The following EYA2 variants were observed in gnomAD, a reference collection of about 807,000 sequenced individuals.
EYA2 encodes EYA transcriptional coactivator and phosphatase 2.
EYA2 carries 31 observed loss-of-function variants against 69.2 expected under a neutral mutation model. The observed-to-expected ratio is 0.45, with a 90% CI of 0.34 to 0.60. The LOEUF (loss-of-function observed/expected upper bound fraction) is 0.60, where lower values mean the gene tolerates loss of function less well. Ranked by LOEUF, EYA2 falls within the 20% of genes least tolerant of loss-of-function variation. The probability of loss-of-function intolerance (pLI) is 0.02; values close to 1 mark genes in which losing one functional copy is unlikely to be tolerated. For synonymous variants in EYA2, 257 were observed against 279.4 expected (o/e 0.92, Z 0.80); for missense variants, 622 against 701.2 (o/e 0.89, Z 1.28).
At chr20:47,019,475 CTT>C (rs113080751) in intron 5 of EYA2, among the ~76,000 whole-genome samples, 1 of 149,064 alleles carries the variant, frequency 6.7e-6, no homozygotes, top group Non-Finnish European at 1.5e-5. Context: ...TTCCTATTAA[CTT>C]TTTTTTTTTC....
intron 5 of EYA2, among the ~76,000 whole-genome samples, chr20:47,031,032 A>G (rs1416657200): frequency 6.6e-6 from 1 of 152,204 alleles, no homozygotes; most frequent in Non-Finnish European, 1.5e-5. Context: ...TTACAGCTTC[A>G]ACATAACGAA....
intron 9 of EYA2, among the ~76,000 whole-genome samples, chr20:47,120,001 A>C (rs2033002747): frequency 6.6e-6 from 1 of 152,158 alleles, no homozygotes; most frequent in Non-Finnish European, 1.5e-5. Flanking sequence ...TGAGGTCAGG[A>C]GTTGAGACCA....
intron 1 of EYA2, among the ~76,000 whole-genome samples, chr20:46,943,675 A>G (rs1305574386): frequency 6.6e-6 from 1 of 152,206 alleles, no homozygotes; most frequent in East Asian, 1.9e-4. Context: ...AGCACGACAT[A>G]TACCCAAACT....
In EYA2 at chr20:46,954,645, C is replaced by T. The variant is rs1022519442; in HGVS notation, c.-10-35356C>T. Among the ~76,000 whole-genome samples, 22 of 152,218 alleles carry T rather than the reference C, an allele frequency of 1.4e-4. 1 individual carries two copies. The highest frequency in any genetic ancestry group is 6.3e-3 in the Middle Eastern group (2 of 316). On this transcript the variant is annotated intron_variant, in intron 1 of 15. Transcript: ENST00000327619. Reference sequence around the variant, plus strand: ...ACAGCAGCAACAACATAAACAGATGCTCCTTCCTTTCAGCCGAGCAAGTGA... The same window carrying T: ...ACAGCAGCAACAACATAAACAGATGTTCCTTCCTTTCAGCCGAGCAAGTGA...
At chr20:47,142,987 A>G (rs750732274) in intron 9 of EYA2, 72 bp from the exon 10 acceptor site, 60 of 1,425,674 alleles carry the variant, frequency 4.2e-5, no homozygotes, top group Non-Finnish European at 5.7e-5. Context: ...CGGCAGTGGA[A>G]TGGGACCAAA....
At chr20:47,154,488 G>C (rs2033882161) in intron 10 of EYA2, among the ~76,000 whole-genome samples, 1 of 152,016 alleles carries the variant, frequency 6.6e-6, no homozygotes, top group South Asian at 2.1e-4. Context: ...AAGTCACATA[G>C]TTGGCAGTGG....
At chr20:47,020,024 A>G (rs1273056408) in intron 5 of EYA2, among the ~76,000 whole-genome samples, 3 of 150,038 alleles carry the variant, frequency 2.0e-5, no homozygotes, top group Non-Finnish European at 4.4e-5. Flanking sequence ...AGTTCCAGCT[A>G]CTCAGGAAGC....
intron 9 of EYA2, among the ~76,000 whole-genome samples, chr20:47,135,126 C>CAAAAAAA (rs11484435): frequency 9.2e-4 from 54 of 58,390 alleles, no homozygotes; most frequent in South Asian, 1.5e-3. Flanking sequence ...GACTCCATAT[C>CAAAAAAA]AAAAAAAAAA....
At chr20:47,043,345 G>A (rs1460659572) in intron 5 of EYA2, among the ~76,000 whole-genome samples, 10 of 152,188 alleles carry the variant, frequency 6.6e-5, no homozygotes. Flanking sequence ...TTAAAAGGGA[G>A]AGGCCAACAT....
chr20:47,172,885 T>A lies in EYA2; in HGVS notation c.1198+18T>A. ...CGTTGGTGGTGAGTACTGTGAGCCT[T>A]GGGCCTCCGAGGAAGGGAAACTCAT... On this transcript the variant is annotated intron_variant, in intron 12 of 15. Transcript: ENST00000327619. 6.3e-7 allele frequency: 1 copy of A among 1,593,764 alleles called. No homozygotes were observed. The highest frequency in any genetic ancestry group is 8.6e-7 in the Non-Finnish European group (1 of 1,167,714).
intron 9 of EYA2, among the ~76,000 whole-genome samples, chr20:47,134,279 A>G (rs552245835): frequency 6.6e-6 from 1 of 152,266 alleles, no homozygotes; most frequent in South Asian, 2.1e-4. Flanking sequence ...CAGAGCAAAA[A>G]AGCCATGACA....
chr20:47,082,986 A>G (rs1030778706), intron 7 of EYA2, among the ~76,000 whole-genome samples: 1 of 152,030 alleles, frequency 6.6e-6, no homozygotes, highest in African/African-American at 2.4e-5. Context: ...TTGAGGCCAG[A>G]AGTCTGAGAC....
At chr20:46,977,614 A>G (rs1037426450) in intron 1 of EYA2, among the ~76,000 whole-genome samples, 11 of 152,252 alleles carry the variant, frequency 7.2e-5, no homozygotes, top group African/African-American at 2.7e-4. Context: ...TGTAAACAGC[A>G]TCGGTGATTC....
chr20:47,164,827 G>C (rs2034147770), intron 10 of EYA2, among the ~76,000 whole-genome samples: 1 of 152,066 alleles, frequency 6.6e-6, no homozygotes, highest in Non-Finnish European at 1.5e-5. Flanking sequence ...AAAGAGAGAG[G>C]ACATCCCCCA....
intron 10 of EYA2, among the ~76,000 whole-genome samples, chr20:47,164,268 T>C (rs1477966033): frequency 3.3e-5 from 5 of 152,340 alleles, no homozygotes; most frequent in African/African-American, 1.2e-4. Context: ...AGCGTCTAGC[T>C]GAGCGTCACG....
intron 5 of EYA2, among the ~76,000 whole-genome samples, chr20:47,044,990 G>A (rs769982143): frequency 1.3e-5 from 2 of 152,204 alleles, no homozygotes; most frequent in Non-Finnish European, 2.9e-5. Context: ...AGTACAAGGG[G>A]CTTTGAGGAA....
At chr20:46,914,669 T>G (rs1202572049) in intron 1 of EYA2, among the ~76,000 whole-genome samples, 1 of 152,204 alleles carries the variant, frequency 6.6e-6, no homozygotes, top group Non-Finnish European at 1.5e-5. Flanking sequence ...CGTGATTCAA[T>G]TATCTCCACC....
At chr20:47,138,653 G>A (rs1387846337) in intron 9 of EYA2, among the ~76,000 whole-genome samples, 1 of 151,990 alleles carries the variant, frequency 6.6e-6, no homozygotes, top group Non-Finnish European at 1.5e-5. Flanking sequence ...TTACTTGGGG[G>A]CTGAGGCAGG....
At chr20:47,155,991 A>G (rs2033914013) in intron 10 of EYA2, among the ~76,000 whole-genome samples, 1 of 147,866 alleles carries the variant, frequency 6.8e-6, no homozygotes, top group South Asian at 2.3e-4. Context: ...AGCCCAGCCA[A>G]TGTGGCGAAA....
Sources: gnomAD v4.1 joint callset for allele counts (sites outside exome capture counted in the v4.1 genomes callset) on GRCh38, gnomAD v4.1.1 for gene constraint, MANE v1.5 for transcripts, NCBI Gene and HGNC (gene_info 2026-07-23, HGNC 2026-07-21) for gene names.